The following MYH10 variants were observed in gnomAD, a reference collection of about 807,000 sequenced individuals.
The protein encoded by MYH10 is myosin-10.
In MYH10, 55 loss-of-function variants were observed where a neutral mutation model predicts 257.8. The observed-to-expected ratio is 0.21, with a 90% CI of 0.17 to 0.27. The LOEUF is 0.27. Ranked by LOEUF, MYH10 falls within the 10% of genes least tolerant of loss-of-function variation. MYH10 has a pLI of 1.00. For synonymous variants in MYH10, 854 were observed against 921.7 expected (o/e 0.93, Z 1.33); for missense variants, 1,631 against 2,500.6 (o/e 0.65, Z 7.42).
intron 4 of MYH10, among the ~76,000 whole-genome samples, chr17:8,583,377 G>A (rs549684353): frequency 1.3e-5 from 2 of 151,948 alleles, no homozygotes; most frequent in East Asian, 3.9e-4. Flanking sequence ...CATTAGAAAA[G>A]CAAATTGACT....
intron 4 of MYH10, among the ~76,000 whole-genome samples, 164 bp from the exon 5 acceptor site, chr17:8,577,502 T>G (rs367858575): frequency 1.3e-5 from 2 of 152,150 alleles, no homozygotes; most frequent in African/African-American, 4.8e-5. Flanking sequence ...AAAATCATCC[T>G]TGTAAGAGGT....
Position 8,504,637 on chromosome 17 carries a change from C to T in MYH10, c.3599+57G>A, listed in dbSNP as rs748685375. 52 of 1,490,014 alleles carry T rather than the reference C, an allele frequency of 3.5e-5. No individual in the cohort carries two copies. Among genetic ancestry groups the T allele is most frequent in the South Asian group, 2.8e-4 (24 of 85,296 alleles). The allele number at this position is 1,490,014 out of a possible 1,614,324, so 92.3% of individuals were successfully genotyped here. ...AGCAAGCACACCAGGCATTTCTGCA[C>T]GGGCTCGGTGGAGAGGTCGGCAGGC... is the stretch of plus-strand genomic sequence containing the variant. On this transcript the variant is annotated intron_variant, in intron 28 of 42. Coordinates refer to ENST00000360416, the MANE Select transcript of MYH10 (RefSeq NM_001256012.3). The surrounding 1 kb of genome is among the most constrained non-coding windows in gnomAD (Gnocchi z 5.6).
chr17:8,566,967 G>T (rs1451258783), intron 7 of MYH10, among the ~76,000 whole-genome samples: 1 of 152,088 alleles, frequency 6.6e-6, no homozygotes, highest in Non-Finnish European at 1.5e-5. Context: ...TGAATTTAGG[G>T]TATGGTTTGA....
rs770574575 is a variant in MYH10, at chr17:8,535,631, A to G, written c.1779+127T>C. ...CAAAATGGGCTGTCTGAAAGACAATATGTTTGTAATATATACTGTATTTGT... is the reference window on the plus strand; with the variant it reads ...CAAAATGGGCTGTCTGAAAGACAATGTGTTTGTAATATATACTGTATTTGT... On this transcript the variant is annotated intron_variant, in intron 15 of 42. Transcript: ENST00000360416. The surrounding 1 kb of genome is among the most constrained non-coding windows in gnomAD (Gnocchi z 4.3). 16 of 1,228,986 alleles carry G rather than the reference A, an allele frequency of 1.3e-5. No individual in the cohort carries two copies. Among genetic ancestry groups the G allele is most frequent in the Non-Finnish European group, 1.6e-5 (14 of 873,166 alleles). 76.1% of individuals were successfully genotyped at this position (1,228,986 alleles called of 1,614,324 possible). A position where few individuals can be genotyped will look rare whatever the true frequency, so the allele number is the denominator to read the frequency against.
At chr17:8,601,763 A>G (rs2084608429) in intron 3 of MYH10, among the ~76,000 whole-genome samples, 1 of 152,240 alleles carries the variant, frequency 6.6e-6, no homozygotes, top group African/African-American at 2.4e-5. Context: ...AGCAACTACT[A>G]TGTGCCAGGC....
At chr17:8,531,629 G>A (rs548978132) in intron 16 of MYH10, among the ~76,000 whole-genome samples, 30 of 150,604 alleles carry the variant, frequency 2.0e-4, no homozygotes, top group Admixed American at 1.7e-3. Flanking sequence ...GGGGTCAAGC[G>A]ATCCTTCTGC....
intron 2 of MYH10, among the ~76,000 whole-genome samples, chr17:8,620,325 A>G (rs1213041985): frequency 6.6e-6 from 1 of 152,214 alleles, no homozygotes; most frequent in Non-Finnish European, 1.5e-5. Flanking sequence ...TCACTAAAGG[A>G]ATCATCATAG....
chr17:8,518,052 G>C (rs910906560), intron 21 of MYH10, among the ~76,000 whole-genome samples: 3 of 147,550 alleles, frequency 2.0e-5, no homozygotes, highest in Non-Finnish European at 4.5e-5. Context: ...GTGTGTGTGA[G>C]AAGCATTCTC....
In MYH10 at chr17:8,604,812, A is replaced by G. The variant is rs2084737905; in HGVS notation, c.502+14T>C. 1 of 1,453,904 alleles carries G rather than the reference A, an allele frequency of 6.9e-7. No homozygotes were observed. The highest frequency in any genetic ancestry group is 1.7e-5 in the South Asian group (1 of 60,262). 90.1% of individuals were successfully genotyped at this position (1,453,904 alleles called of 1,614,324 possible). On this transcript the variant is annotated intron_variant, in intron 3 of 42. Transcript: ENST00000360416. ...GAAATTCTGAGCATTTAGTATTCAAATATTTCCAATTACCTTGAAGCATGC... is the reference window on the plus strand; with the variant it reads ...GAAATTCTGAGCATTTAGTATTCAAGTATTTCCAATTACCTTGAAGCATGC...
At position 8,478,328 on chromosome 17, in the gene MYH10, C is replaced by T. The variant is rs775720516; in HGVS notation, c.5706+10G>A. 5 of 1,612,532 alleles carry T rather than the reference C, an allele frequency of 3.1e-6. No homozygotes were observed. Among genetic ancestry groups the T allele is most frequent in the Non-Finnish European group, 4.2e-6 (5 of 1,178,666 alleles). On this transcript the variant is annotated intron_variant, in intron 41 of 42. Transcript: ENST00000360416. Reference sequence around the variant, plus strand: ...TCACGCGCTTCCCAGGGAGGCACTTCCTCGCGTACCTGCTCTTTATACTGG... The same window carrying T: ...TCACGCGCTTCCCAGGGAGGCACTTTCTCGCGTACCTGCTCTTTATACTGG...
At chr17:8,527,864 G>A (rs905510912) in intron 17 of MYH10, among the ~76,000 whole-genome samples, 1 of 152,188 alleles carries the variant, frequency 6.6e-6, no homozygotes, top group Non-Finnish European at 1.5e-5. Flanking sequence ...CAAAAAACAG[G>A]GAGGAGGAGA....
At position 8,509,086 on chromosome 17, in the gene MYH10, A is replaced by G. The variant is rs984622801; in HGVS notation, c.3091-409T>C. On this transcript the variant is annotated intron_variant, in intron 25 of 42. Transcript: ENST00000360416. ...GCTTCCAGTCCTGCAAGCTCCGTTC[A>G]TGGTGAGTGCCCAATAGAGGTGTGC... is the stretch of plus-strand genomic sequence containing the variant. Among the ~76,000 whole-genome samples the G allele has an allele frequency of 4.9e-4, 75 of 152,214 alleles. 1 individual carries two copies. Among genetic ancestry groups the G allele is most frequent in the Non-Finnish European group, 2.9e-5 (2 of 68,026 alleles).
intron 16 of MYH10, among the ~76,000 whole-genome samples, chr17:8,532,964 G>C (rs967902227): frequency 6.6e-6 from 1 of 152,100 alleles, no homozygotes; most frequent in Non-Finnish European, 1.5e-5. Context: ...TGTAATAAAG[G>C]ACTTAATTTC....
intron 36 of MYH10, 49 bp from the exon 37 acceptor site, chr17:8,484,315 G>C: frequency 4.5e-6 from 7 of 1,562,482 alleles, no homozygotes; most frequent in Non-Finnish European, 6.0e-6. Flanking sequence ...CTTAGTTTTA[G>C]TTAAAATAAA....
intron 16 of MYH10, among the ~76,000 whole-genome samples, chr17:8,532,816 A>G (rs1597755933): frequency 6.6e-6 from 1 of 152,348 alleles, no homozygotes; most frequent in East Asian, 1.9e-4. Flanking sequence ...CTCACAGATT[A>G]TTGCCATGGG....
chr17:8,625,744 G>T (rs980036863), intron 1 of MYH10, among the ~76,000 whole-genome samples: 5 of 152,166 alleles, frequency 3.3e-5, no homozygotes, highest in African/African-American at 1.2e-4. Flanking sequence ...GCCTCCCAAA[G>T]TGCTGGGATT....
Position 8,542,399 on chromosome 17 carries a change from A to G in MYH10, c.1432-119T>C, listed in dbSNP as rs1401742374. The G allele has an allele frequency of 1.2e-5, 10 of 824,734 alleles. No homozygotes were observed. The East Asian group carries it at 2.4e-4, about 20-fold the overall frequency. The allele number at this position is 824,734 out of a possible 1,614,324, so 51.1% of individuals were successfully genotyped here. Reference sequence around the variant, plus strand: ...ACATTACTAATTAGGTAGGAAGTACATGATTGCTTCTATCTAATGACAGTG... The same window carrying G: ...ACATTACTAATTAGGTAGGAAGTACGTGATTGCTTCTATCTAATGACAGTG... On this transcript the variant is annotated intron_variant, in intron 13 of 42. Transcript: ENST00000360416.
intron 6 of MYH10, among the ~76,000 whole-genome samples, chr17:8,573,177 T>C (rs1291101756): frequency 1.3e-5 from 2 of 152,236 alleles, no homozygotes; most frequent in African/African-American, 2.4e-5. Flanking sequence ...TAGTATATAA[T>C]ATACACTTGC....
chr17:8,570,497 A>G (rs2083299233), intron 6 of MYH10, among the ~76,000 whole-genome samples: 1 of 152,244 alleles, frequency 6.6e-6, no homozygotes, highest in Non-Finnish European at 1.5e-5. Flanking sequence ...TTTAATCATG[A>G]AACACAATAG....
Sources: allele counts gnomAD v4.1 joint callset (sites outside exome capture counted in the v4.1 genomes callset), GRCh38; gene constraint gnomAD v4.1.1; non-coding constraint Gnocchi (gnomAD v3.1); transcripts MANE v1.5; gene names NCBI Gene and HGNC (gene_info 2026-07-23, HGNC 2026-07-21).